FSIP2: variants seen among roughly 807,000 people sequenced by gnomAD.
FSIP2 encodes the protein fibrous sheath-interacting protein 2.
In FSIP2, 367 loss-of-function variants were observed where a neutral mutation model predicts 510.5. That is an observed-to-expected ratio of 0.72 (90% CI 0.66 to 0.78). The LOEUF (loss-of-function observed/expected upper bound fraction) is 0.78. Among genes scored for constraint, FSIP2 ranks in the 30% least tolerant of loss-of-function variants. The pLI is 0.00. For missense variants in FSIP2, 7,594 were observed against 7,901.7 expected, an observed-to-expected ratio of 0.96 and a Z score of 1.48; for synonymous variants, 2,601 against 2,732.2, an observed-to-expected ratio of 0.95 and a Z score of 1.50.
intron 7 of FSIP2, 111 bp downstream of exon 7, chr2:185,747,534 G>T: frequency 1.8e-6 from 1 of 568,746 alleles, no homozygotes; most frequent in African/African-American, 1.9e-5. Flanking sequence ...TACTCCAAAT[G>T]ATATGCATGA....
rs371290732 is a variant in FSIP2 at position 185,807,920 on chromosome 2, T to A, written c.18614T>A (p.Leu6205Gln). ...PKVHKERTKS[L>Q]ETDMQKITSK... is the part of the protein sequence containing the mutation. Reference sequence around the variant, plus strand: ...GTACATAAAGAAAGAACAAAATCTCTAGAGACTGATATGCAAAAAATAACT... The same window carrying A: ...GTACATAAAGAAAGAACAAAATCTCAAGAGACTGATATGCAAAAAATAACT... Residue 6205 changes from leucine to glutamine, a missense_variant, in exon 17 of 23, where the codon CTA becomes CAA. Transcript: ENST00000424728. The A allele has an allele frequency of 1.2e-6, 2 of 1,602,198 alleles. No homozygotes were observed. Among genetic ancestry groups the A allele is most frequent in the Admixed American group, 1.7e-5 (1 of 57,768 alleles).
rs751952757 is a variant in FSIP2 at position 185,795,080 on chromosome 2, AAAGGTGAGCCCT to A, written c.7949_7960del (p.Val2650_Lys2653del). On this transcript the variant is annotated inframe_deletion, in exon 16 of 23. Coordinates refer to ENST00000424728, the MANE Select transcript of FSIP2 (RefSeq NM_173651.4). ...TCACAAATTTTGTCTCACTTCCTTTAAAGGTGAGCCCTAAGGACAACCCTAAGCCATGCTTTA... is the reference window on the plus strand; with the variant it reads ...TCACAAATTTTGTCTCACTTCCTTTAAAGGACAACCCTAAGCCATGCTTTA... The A allele has an allele frequency of 1.0e-5, 16 of 1,534,826 alleles. No homozygotes were observed. The highest frequency in any genetic ancestry group is 3.9e-5 in the Admixed American group (2 of 50,886).
chr2:185,797,692 T>A, intron 16 of FSIP2, 166 bp downstream of exon 16: 2 of 679,276 alleles, frequency 2.9e-6, no homozygotes, highest in Non-Finnish European at 5.1e-6. Context: ...ATTTTAAATG[T>A]ATTATTTTAT....
At position 185,833,274 on chromosome 2, in the gene FSIP2, A is replaced by C; in HGVS notation, c.*48A>C. 6.6e-7 allele frequency: 1 copy of C among 1,511,466 alleles called. No homozygotes were observed. 93.6% of individuals were successfully genotyped at this position (1,511,466 alleles called of 1,614,324 possible). On this transcript the variant is annotated 3_prime_UTR_variant, in exon 23 of 23. Coordinates refer to ENST00000424728, the MANE Select transcript of FSIP2 (RefSeq NM_173651.4). ...ATGCTTACTTCTTTTAGAAAATAAA[A>C]TGGTTTTTAAAGCATAGTATAGCGT... is the stretch of plus-strand genomic sequence containing the variant.
chr2:185,746,587 G>T, intron 5 of FSIP2, 82 bp from the exon 6 acceptor site: 1 of 1,039,582 alleles, frequency 9.6e-7, no homozygotes, highest in Non-Finnish European at 1.3e-6. Flanking sequence ...GCAAGGAAGT[G>T]GTTTGGGAAT....
At chr2:185,759,187 A>G (rs1451719460) in intron 9 of FSIP2, among the ~76,000 whole-genome samples, 4 of 150,834 alleles carry the variant, frequency 2.7e-5, no homozygotes, top group Admixed American at 6.6e-5. Context: ...TTAGAAAAAG[A>G]CATCCCCTTT....
intron 5 of FSIP2, 67 bp from the exon 6 acceptor site, chr2:185,746,602 T>C (rs1692038452): frequency 4.0e-6 from 5 of 1,240,062 alleles, no homozygotes; most frequent in Non-Finnish European, 5.4e-6. Context: ...GGGAATGGCA[T>C]AGCAGATGAT....
Position 185,791,509 on chromosome 2 carries a change from G to A in FSIP2, c.4373G>A (p.Cys1458Tyr), listed in dbSNP as rs1321290393. 1.3e-6 allele frequency: 2 copies of A among 1,534,418 alleles called. No homozygotes were observed. Among genetic ancestry groups the A allele is most frequent in the Non-Finnish European group, 1.7e-6 (2 of 1,145,694 alleles). ...ACCCATCTTCATTCTCAGCTATCTT[G>A]TAGTCAACAAAGCAGAGAGATGACC... The part of the protein sequence containing the change: ...LGTHLHSQLS[C>Y]SQQSREMTNK... The change falls in exon 16 of 23, where the codon TGT becomes TAT. Residue 1458 changes from cysteine (C) to tyrosine (Y), a missense_variant. Coordinates refer to ENST00000424728, the MANE Select transcript of FSIP2 (RefSeq NM_173651.4).
chr2:185,794,093 C>A lies in FSIP2; in HGVS notation c.6957C>A (p.Thr2319=). The change falls in exon 16 of 23, where the codon ACC becomes ACA. Residue 2319 remains threonine (T), a synonymous_variant. Transcript: ENST00000424728. ...VNVLKISATE[T]ILSQELTDFT... ...TCCTGAAAATATCAGCAACTGAAAC[C>A]ATTCTCAGCCAAGAGCTTACAGATT... 1 of 1,530,374 alleles carries A rather than the reference C, an allele frequency of 6.5e-7. No homozygotes were observed. The highest frequency in any genetic ancestry group is 1.7e-4 in the Middle Eastern group (1 of 5,958). The allele number at this position is 1,530,374 out of a possible 1,614,324, so 94.8% of individuals were successfully genotyped here. A position where few individuals can be genotyped will look rare whatever the true frequency, so the allele number is the denominator to read the frequency against.
intron 17 of FSIP2, among the ~76,000 whole-genome samples, chr2:185,813,251 A>G (rs1165058910): frequency 6.6e-6 from 1 of 152,066 alleles, no homozygotes; most frequent in Non-Finnish European, 1.5e-5. Flanking sequence ...CTTTCAAGGT[A>G]CATGACTAAG....
rs1258191591 is a variant in FSIP2, at chr2:185,800,639, C to G, written c.11333C>G (p.Ser3778Cys). 1 of 1,533,864 alleles carries G rather than the reference C, an allele frequency of 6.5e-7. No individual in the cohort carries two copies. Among genetic ancestry groups the G allele is most frequent in the Non-Finnish European group, 8.7e-7 (1 of 1,145,648 alleles). ...CTSTAFPDKGSVSEETSAEEC... is the reference protein window; with the variant it reads ...CTSTAFPDKGCVSEETSAEEC... ...AGCACTGCTTTTCCTGATAAAGGGT[C>G]TGTTTCAGAGGAAACATCAGCAGAA... is the stretch of plus-strand genomic sequence containing the variant. The change falls in exon 17 of 23, where the codon TCT becomes TGT. Residue 3778 changes from serine (S) to cysteine (C), a missense_variant. Physicochemically the swap from Ser to Cys is moderately radical, Grantham distance 112. Transcript: ENST00000424728.
In FSIP2 at chr2:185,804,470, G is replaced by T. The variant is rs1260697426; in HGVS notation, c.15164G>T (p.Arg5055Met). The change falls in exon 17 of 23, where the codon AGG becomes ATG. Residue 5055 changes from arginine to methionine, a missense_variant. Transcript: ENST00000424728. Reference sequence around the variant, plus strand: ...CAAAGTGACACAATATGTTTTGGTAGGAAAATATATTATTTGCTATTGGAA... The same window carrying T: ...CAAAGTGACACAATATGTTTTGGTATGAAAATATATTATTTGCTATTGGAA... ...VIQSDTICFG[R>M]KIYYLLLEEI... 1 of 1,515,704 alleles carries T rather than the reference G, an allele frequency of 6.6e-7. No individual in the cohort carries two copies. Among genetic ancestry groups the T allele is most frequent in the East Asian group, 2.5e-5 (1 of 40,750 alleles). The allele number at this position is 1,515,704 out of a possible 1,614,324, so 93.9% of individuals were successfully genotyped here.
intron 2 of FSIP2, among the ~76,000 whole-genome samples, chr2:185,742,911 A>G (rs1691951561): frequency 6.6e-6 from 1 of 152,196 alleles, no homozygotes; most frequent in African/African-American, 2.4e-5. Flanking sequence ...TAGAGGAGGA[A>G]CTGATTGGGT....
intron 5 of FSIP2, 89 bp from the exon 6 acceptor site, chr2:185,746,580 A>AG: frequency 1.0e-6 from 1 of 972,954 alleles, no homozygotes; most frequent in Non-Finnish European, 1.4e-6. Context: ...AAGGCAAGCA[A>AG]GGAAGTGGTT....
At chr2:185,768,546 T>G (rs1467202628) in intron 13 of FSIP2, among the ~76,000 whole-genome samples, 5 of 152,186 alleles carry the variant, frequency 3.3e-5, no homozygotes, top group Admixed American at 6.6e-5. Flanking sequence ...TTTTTTATGT[T>G]ATTTTTAATT....
In FSIP2 at chr2:185,797,025, G is replaced by A; in HGVS notation, c.9889G>A (p.Gly3297Ser). 1 of 1,535,170 alleles carries A rather than the reference G, an allele frequency of 6.5e-7. No individual in the cohort carries two copies. The highest frequency in any genetic ancestry group is 1.2e-5 in the South Asian group (1 of 84,030). The part of the protein sequence containing the change: ...QVLSFIEMGK[G>S]ENLRVFHYEN... The stretch of plus-strand genomic sequence containing the variant: ...CTTGTCATTCATAGAAATGGGAAAA[G>A]GTGAAAATCTAAGAGTGTTTCATTA... The change falls in exon 16 of 23, where the codon GGT (glycine) becomes AGT (serine). Residue 3297 changes from glycine to serine, a missense_variant. Physicochemically the swap from Gly to Ser is moderately conservative, Grantham distance 56. Coordinates refer to ENST00000424728, the MANE Select transcript of FSIP2 (RefSeq NM_173651.4).
At chr2:185,746,836 TAACAG>T (rs972991332) in intron 6 of FSIP2, 26 bp downstream of exon 6, 159 of 1,459,432 alleles carry the variant, frequency 1.1e-4, no homozygotes, top group Middle Eastern at 3.5e-4. Flanking sequence ...TTTAAAATAT[TAACAG>T]AAAAATTGTG....
At chr2:185,779,762 C>T (rs1016553744) in intron 13 of FSIP2, among the ~76,000 whole-genome samples, 2 of 152,092 alleles carry the variant, frequency 1.3e-5, no homozygotes, top group African/African-American at 4.8e-5. Flanking sequence ...GCATTTAATA[C>T]TTCTTGGGAT....
Position 185,789,332 on chromosome 2 carries a change from AGTTTT to A in FSIP2, c.2197_2201del (p.Val733CysfsTer2). ...CCTCTCTCTCTTCTGTTACTGCTGA[AGTTTT>A]TGTTGAACAATGTGAACGTGAAAAA... On this transcript the variant is annotated frameshift_variant, in exon 16 of 23. Coordinates refer to ENST00000424728, the MANE Select transcript of FSIP2 (RefSeq NM_173651.4). LOFTEE classifies it high-confidence loss of function. 1 of 1,534,980 alleles carries A rather than the reference AGTTTT, an allele frequency of 6.5e-7. No individual in the cohort carries two copies. Among genetic ancestry groups the A allele is most frequent in the Non-Finnish European group, 8.7e-7 (1 of 1,146,042 alleles).
Sources: allele counts gnomAD v4.1 joint callset (sites outside exome capture counted in the v4.1 genomes callset), GRCh38; gene constraint gnomAD v4.1.1; transcripts MANE v1.5; gene names NCBI Gene and HGNC (gene_info 2026-07-23, HGNC 2026-07-21).